Variants in C2orf15 observed in about 807,000 individuals in gnomAD.
C2orf15 encodes the protein chromosome 2 open reading frame 15, also known as uncharacterized protein C2orf15.
A neutral mutation model predicts 4.4 loss-of-function variants in C2orf15; 3 were observed. That is an observed-to-expected ratio of 0.67 (90% CI 0.31 to 1.74). The LOEUF is 1.74. Ranked by LOEUF, C2orf15 falls within the 40% of genes most tolerant of loss-of-function variation. The probability of loss-of-function intolerance (pLI) is 0.09; values close to 1 mark genes in which losing one functional copy is unlikely to be tolerated. For synonymous variants in C2orf15, 37 were observed against 36.8 expected (o/e 1.00, Z -0.02); for missense variants, 90 against 103.3 (o/e 0.87, Z 0.56).
chr2:99,146,719 C>G lies in C2orf15; in HGVS notation c.-168-683C>G, dbSNP rs189940241. ...TCTCAGCTCACTGCAACCTCCACCC[C>G]CTGGGTTCAAGCGATTCTCCTGCCT... On this transcript the variant is annotated intron_variant, in intron 2 of 3. Transcript: ENST00000650052. 6.4e-3 allele frequency among the ~76,000 whole-genome samples: 969 copies of G among 152,258 alleles called. 12 individuals carry two copies. The highest frequency in any genetic ancestry group is 0.022 in the African/African-American group (932 of 41,528).
intron 2 of C2orf15, among the ~76,000 whole-genome samples, chr2:99,145,929 C>T (rs1574761401): frequency 1.3e-5 from 2 of 152,018 alleles, no homozygotes; most frequent in South Asian, 4.2e-4. Flanking sequence ...TACAGGCATT[C>T]GAGACCAGCC....
intron 3 of C2orf15, among the ~76,000 whole-genome samples, chr2:99,147,700 G>GTAA (rs905713225): frequency 2.0e-5 from 3 of 152,070 alleles, no homozygotes; most frequent in African/African-American, 7.2e-5. Context: ...CTACAGAAAT[G>GTAA]TAATAATAAT....
Position 99,150,702 on chromosome 2 carries a change from A to T in C2orf15, c.144A>T (p.Arg48Ser). 1 of 1,614,124 alleles carries T rather than the reference A, an allele frequency of 6.2e-7. No homozygotes were observed. Among genetic ancestry groups the T allele is most frequent in the Non-Finnish European group, 8.5e-7 (1 of 1,179,976 alleles). ...TATTTCAAAACACCAAGAAAATAAG[A>T]TTAGAAGACACAAATCAAGAAAACT... ...TQLFQNTKKI[R>S]LEDTNQENFT... The change falls in exon 4 of 4, where the codon AGA becomes AGT. Residue 48 changes from arginine (R) to serine (S), a missense_variant. Transcript: ENST00000650052.
At chr2:99,144,339 T>A (rs1365867268) in intron 2 of C2orf15, among the ~76,000 whole-genome samples, 1 of 151,906 alleles carries the variant, frequency 6.6e-6, no homozygotes. Context: ...GTTTTTTAAA[T>A]CAGAGAGTTT....
At chr2:99,143,305 CTTTT>C (rs11392712) in intron 2 of C2orf15, among the ~76,000 whole-genome samples, 2 of 149,394 alleles carry the variant, frequency 1.3e-5, no homozygotes, top group African/African-American at 2.5e-5. Flanking sequence ...CTACGCCCAG[CTTTT>C]TTTTTGTTTG....
intron 2 of C2orf15, among the ~76,000 whole-genome samples, chr2:99,144,606 G>A (rs1319103260): frequency 7.9e-6 from 1 of 127,260 alleles, no homozygotes; most frequent in Non-Finnish European, 1.6e-5. Flanking sequence ...CCGAGATCGT[G>A]CCATCGCCCT....
intron 2 of C2orf15, among the ~76,000 whole-genome samples, chr2:99,142,850 G>A (rs542499806): frequency 3.3e-5 from 5 of 152,134 alleles, no homozygotes; most frequent in African/African-American, 7.2e-5. Flanking sequence ...TGAAGACTTC[G>A]GGGGTGGGGA....
chr2:99,143,098 G>A (rs570207477), intron 2 of C2orf15, among the ~76,000 whole-genome samples: 45 of 150,342 alleles, frequency 3.0e-4, no homozygotes, highest in African/African-American at 1.1e-3. Context: ...GGAAACCCAA[G>A]GGGTAGTGAG....
Position 99,147,443 on chromosome 2 carries a change from C to A in C2orf15, c.-127C>A, listed in dbSNP as rs1466249817. On this transcript the variant is annotated 5_prime_UTR_variant, in exon 3 of 4. Coordinates refer to ENST00000650052, the MANE Select transcript of C2orf15 (RefSeq NM_144706.4). ...CAACCTAAATGCCAGTCCAAAGAGGCCCCCAATAGACTTGTTCACCCTTCA... is the reference window on the plus strand; with the variant it reads ...CAACCTAAATGCCAGTCCAAAGAGGACCCCAATAGACTTGTTCACCCTTCA... The A allele has an allele frequency of 6.2e-7, 1 of 1,613,074 alleles. No individual in the cohort carries two copies. Among genetic ancestry groups the A allele is most frequent in the African/African-American group, 1.3e-5 (1 of 75,010 alleles).
In C2orf15 at chr2:99,150,734, G is replaced by A. The variant is rs1414154997; in HGVS notation, c.176G>A (p.Arg59Lys). The A allele has an allele frequency of 6.2e-7, 1 of 1,613,974 alleles. No individual in the cohort carries two copies. The highest frequency in any genetic ancestry group is 8.5e-7 in the Non-Finnish European group (1 of 1,179,928). ...GACACAAATCAAGAAAACTTTACAAGGATTGAAGGGACTGGCACAGGATCT... is the reference window on the plus strand; with the variant it reads ...GACACAAATCAAGAAAACTTTACAAAGATTGAAGGGACTGGCACAGGATCT... Reference protein sequence around the residue: ...LEDTNQENFTRIEGTGTGSLS... With the variant: ...LEDTNQENFTKIEGTGTGSLS... The change falls in exon 4 of 4, where the codon AGG (arginine) becomes AAG (lysine). Residue 59 changes from arginine (R) to lysine (K), a missense_variant. Coordinates refer to ENST00000650052, the MANE Select transcript of C2orf15 (RefSeq NM_144706.4).
chr2:99,145,700 G>T (rs1273148719), intron 2 of C2orf15, among the ~76,000 whole-genome samples: 1 of 152,206 alleles, frequency 6.6e-6, no homozygotes, highest in East Asian at 1.9e-4. Context: ...AGCTTCTGGG[G>T]ATTAGGACAA....
At chr2:99,150,075 G>C (rs2093677504) in intron 3 of C2orf15, among the ~76,000 whole-genome samples, 1 of 151,998 alleles carries the variant, frequency 6.6e-6, no homozygotes, top group Non-Finnish European at 1.5e-5. Context: ...TACAGGCGTG[G>C]GCCACCGCAC....
chr2:99,150,473 T>G lies in C2orf15; in HGVS notation c.-76-10T>G, dbSNP rs2093681632. 1.4e-6 allele frequency: 2 copies of G among 1,453,678 alleles called. No homozygotes were observed. The highest frequency in any genetic ancestry group is 2.3e-5 in the Admixed American group (1 of 44,268). The allele number at this position is 1,453,678 out of a possible 1,614,324, so 90.0% of individuals were successfully genotyped here. The stretch of plus-strand genomic sequence containing the variant: ...CTGCATTCACTTGTTACTTTTTTTT[T>G]TTTTTTCAGTAATCAAGTTGAAGAA... On this transcript the variant is annotated splice_polypyrimidine_tract_variant and intron_variant, in intron 3 of 3. Coordinates refer to ENST00000650052, the MANE Select transcript of C2orf15 (RefSeq NM_144706.4).
chr2:99,147,333 C>A (rs1036108741), intron 2 of C2orf15, 69 bp from the exon 3 acceptor site: 2 of 863,230 alleles, frequency 2.3e-6, no homozygotes, highest in Admixed American at 2.0e-5. Context: ...GTAAAGAAAG[C>A]CACTTTGTTC....
rs1248914115 is a variant in C2orf15, at chr2:99,147,093, A to T, written c.-168-309A>T. ...CCAAGTTACAGCTCTGTCATATTCT[A>T]CTGATTATTTGTTCCTGTACCTGTA... On this transcript the variant is annotated intron_variant, in intron 2 of 3. Transcript: ENST00000650052. The T allele has an allele frequency of 1.6e-5, 3 of 186,896 alleles. No homozygotes were observed. The East Asian group carries it at 3.9e-4, about 24-fold the overall frequency. The allele number at this position is 186,896 out of a possible 1,614,324, so 11.6% of individuals were successfully genotyped here.
In C2orf15 at chr2:99,150,564, A is replaced by G; in HGVS notation, c.6A>G (p.Gly2=). 1 of 1,613,260 alleles carries G rather than the reference A, an allele frequency of 6.2e-7. No homozygotes were observed. The highest frequency in any genetic ancestry group is 8.5e-7 in the Non-Finnish European group (1 of 1,179,734). Residue 2 remains glycine (G), a synonymous_variant, in exon 4 of 4, where the codon GGA becomes GGG. Coordinates refer to ENST00000650052, the MANE Select transcript of C2orf15 (RefSeq NM_144706.4). M[G]FSLSKSATQV... is the part of the protein sequence containing the mutation. ...ACATTTGTTCAGCTATCCTAATGGG[A>G]TTTTCACTTAGTAAATCTGCTACTC...
chr2:99,147,578 G>C, intron 3 of C2orf15, 85 bp downstream of exon 3: 1 of 1,144,130 alleles, frequency 8.7e-7, no homozygotes. Context: ...TGTGCAAATT[G>C]ATAATTATAT....
chr2:99,149,578 G>A (rs1395758602), intron 3 of C2orf15, among the ~76,000 whole-genome samples: 5 of 151,044 alleles, frequency 3.3e-5, no homozygotes, highest in Non-Finnish European at 7.4e-5. Flanking sequence ...GAGTAGCTGG[G>A]ACTACAGGTG....
intron 3 of C2orf15, among the ~76,000 whole-genome samples, chr2:99,150,053 A>G (rs534701490): frequency 1.3e-5 from 2 of 152,152 alleles, no homozygotes; most frequent in African/African-American, 4.8e-5. Context: ...TCGGCCCCCA[A>G]AGTGCTGGGA....
Sources: gnomAD v4.1 joint callset for allele counts (sites outside exome capture counted in the v4.1 genomes callset) on GRCh38, gnomAD v4.1.1 for gene constraint, MANE v1.5 for transcripts, NCBI Gene and HGNC (gene_info 2026-07-23, HGNC 2026-07-21) for gene names.